KIAA1217: variants seen among roughly 807,000 people sequenced by gnomAD.
KIAA1217 encodes KIAA1217.
KIAA1217 carries 88 observed loss-of-function variants against 163.9 expected under a neutral mutation model. That is an observed-to-expected ratio of 0.54 (90% CI 0.45 to 0.64). The LOEUF (loss-of-function observed/expected upper bound fraction) is 0.64. KIAA1217 is among the 30% of genes least tolerant of loss of function. The pLI is 0.00. For synonymous variants in KIAA1217, 903 were observed against 923.1 expected, an observed-to-expected ratio of 0.98 and a Z score of 0.39; for missense variants, 2,372 against 2,475.0, an observed-to-expected ratio of 0.96 and a Z score of 0.88.
At chr10:24,426,861 C>A (rs1171039628) in intron 3 of KIAA1217, among the ~76,000 whole-genome samples, 1 of 152,048 alleles carries the variant, frequency 6.6e-6, no homozygotes, top group Non-Finnish European at 1.5e-5. Flanking sequence ...CAAAGTGGGA[C>A]GCTTCGGGAA....
At chr10:23,760,552 A>G (rs998708511) in intron 1 of KIAA1217, among the ~76,000 whole-genome samples, 1 of 152,220 alleles carries the variant, frequency 6.6e-6, no homozygotes, top group African/African-American at 2.4e-5. Context: ...TCAGTGTTCA[A>G]AGTGTTATTT....
At chr10:23,855,465 A>G (rs1466482615) in intron 1 of KIAA1217, among the ~76,000 whole-genome samples, 1 of 151,802 alleles carries the variant, frequency 6.6e-6, no homozygotes, top group Non-Finnish European at 1.5e-5. Context: ...CTTCATTTCA[A>G]CTTTGGTGAA....
chr10:24,009,282 A>C (rs1054286261), intron 2 of KIAA1217, among the ~76,000 whole-genome samples: 2 of 152,152 alleles, frequency 1.3e-5, no homozygotes, highest in African/African-American at 4.8e-5. Context: ...GTGGTTGGAG[A>C]AGAATAATAG....
chr10:24,385,955 G>T (rs1188383775), intron 3 of KIAA1217, among the ~76,000 whole-genome samples: 1 of 152,172 alleles, frequency 6.6e-6, no homozygotes, highest in Non-Finnish European at 1.5e-5. Context: ...ATGGGCGGGG[G>T]TTGGTGTCTG....
At chr10:24,130,494 C>T (rs1428715894) in intron 2 of KIAA1217, among the ~76,000 whole-genome samples, 3 of 152,140 alleles carry the variant, frequency 2.0e-5, no homozygotes, top group Non-Finnish European at 4.4e-5. Context: ...TGTATCAAAG[C>T]AGTTAATGAT....
chr10:23,997,564 G>C (rs1221515111), intron 1 of KIAA1217, among the ~76,000 whole-genome samples: 1 of 152,116 alleles, frequency 6.6e-6, no homozygotes, highest in Non-Finnish European at 1.5e-5. Context: ...AGACGCTCAG[G>C]CTGGAAGGTT....
rs187079211 is a variant in KIAA1217 at position 24,226,312 on chromosome 10, C to G, written c.354+6403C>G. On this transcript the variant is annotated intron_variant, in intron 2 of 20. Coordinates refer to ENST00000376454, the MANE Select transcript of KIAA1217 (RefSeq NM_019590.5). The stretch of plus-strand genomic sequence containing the variant: ...TCAAGCAATAGAGCCATAGACATGA[C>G]TTCCATTGCCGTTTCTTTAAAAAGG... Among the ~76,000 whole-genome samples, 678 of 152,218 alleles carry G rather than the reference C, an allele frequency of 4.5e-3. 6 individuals carry two copies. Among genetic ancestry groups the G allele is most frequent in the African/African-American group, 0.016 (645 of 41,546 alleles).
chr10:23,944,974 G>C (rs557278879), intron 1 of KIAA1217, among the ~76,000 whole-genome samples: 19 of 151,234 alleles, frequency 1.3e-4, no homozygotes, highest in African/African-American at 4.4e-4. Context: ...CAGGAGAATC[G>C]CTGGAACCTG....
intron 1 of KIAA1217, among the ~76,000 whole-genome samples, chr10:23,930,109 G>A (rs142530775): frequency 6.6e-6 from 1 of 151,558 alleles, no homozygotes; most frequent in Non-Finnish European, 1.5e-5. Flanking sequence ...ATCTCATTGT[G>A]GTTTTAATTT....
chr10:23,741,360 T>A (rs1478216534), intron 1 of KIAA1217, among the ~76,000 whole-genome samples: 1 of 152,204 alleles, frequency 6.6e-6, no homozygotes, highest in Non-Finnish European at 1.5e-5. Flanking sequence ...TCCTTGCCTC[T>A]CTTCCTCCCT....
intron 1 of KIAA1217, among the ~76,000 whole-genome samples, chr10:23,791,929 C>T (rs916327995): frequency 6.6e-6 from 1 of 152,138 alleles, no homozygotes; most frequent in African/African-American, 2.4e-5. Flanking sequence ...ATAATTTATA[C>T]TTCCAATTTT....
intron 1 of KIAA1217, among the ~76,000 whole-genome samples, chr10:23,726,873 A>G (rs191852758): frequency 1.4e-4 from 22 of 152,198 alleles, no homozygotes; most frequent in African/African-American, 4.8e-4. Context: ...CTTGGCATAT[A>G]TAGAAAAGTA....
rs112322439 is a variant in KIAA1217, at chr10:23,836,910, G to A, written c.-321+141676G>A. Among the ~76,000 whole-genome samples, 710 of 139,022 alleles carry A rather than the reference G, an allele frequency of 5.1e-3. 9 individuals carry two copies. The highest frequency in any genetic ancestry group is 0.017 in the African/African-American group (633 of 38,034). 91.2% of individuals were successfully genotyped at this position (139,022 alleles called of 152,430 possible). Reference sequence around the variant, plus strand: ...TGCACTCTAGCCTGGGTGACAGAGTGAGACCCTGTGGGAAGGAAGGAAGGG... The same window carrying A: ...TGCACTCTAGCCTGGGTGACAGAGTAAGACCCTGTGGGAAGGAAGGAAGGG... On this transcript the variant is annotated intron_variant, in intron 1 of 18. Transcript: ENST00000376462.
intron 2 of KIAA1217, among the ~76,000 whole-genome samples, chr10:24,228,389 C>T (rs907189205): frequency 1.3e-5 from 2 of 151,716 alleles, no homozygotes; most frequent in African/African-American, 4.8e-5. Flanking sequence ...GCAGTTTTTG[C>T]CATTACTTTT....
intron 1 of KIAA1217, among the ~76,000 whole-genome samples, chr10:23,861,307 C>A (rs1474968466): frequency 1.3e-5 from 2 of 152,120 alleles, no homozygotes; most frequent in East Asian, 3.9e-4. Flanking sequence ...GGTAAAATTT[C>A]AAGTGAATTT....
rs570263208 is a variant in KIAA1217 at position 24,158,325 on chromosome 10, T to C, written c.-170-61301T>C. 20 of 684,066 alleles carry C rather than the reference T, an allele frequency of 2.9e-5. No individual in the cohort carries two copies. In the African/African-American group the frequency reaches 3.3e-4, roughly 11 times the overall value. 42.4% of individuals were successfully genotyped at this position (684,066 alleles called of 1,614,324 possible). A position where few individuals can be genotyped will look rare whatever the true frequency, so the allele number is the denominator to read the frequency against. On this transcript the variant is annotated intron_variant, in intron 2 of 18. Coordinates refer to the KIAA1217 transcript ENST00000376462. ...TTTATACTCAAGGAGATTCTTTGAC[T>C]TCAGAAGGTCACCTTGATGACACTT...
At chr10:24,035,496 T>C (rs764524249) in intron 2 of KIAA1217, among the ~76,000 whole-genome samples, 2 of 152,168 alleles carry the variant, frequency 1.3e-5, no homozygotes, top group Non-Finnish European at 2.9e-5. Flanking sequence ...AAACACTCCA[T>C]ATCTGCAACA....
intron 9 of KIAA1217, among the ~76,000 whole-genome samples, chr10:24,510,900 T>C (rs960254542): frequency 3.9e-5 from 6 of 152,112 alleles, no homozygotes. Flanking sequence ...TTGTTGCCTG[T>C]TCTTATCAAT....
intron 5 of KIAA1217, 42 bp from the exon 6 acceptor site, chr10:24,473,186 G>C (rs751592825): frequency 7.9e-6 from 11 of 1,383,680 alleles, no homozygotes; most frequent in African/African-American, 1.4e-5. Flanking sequence ...CTTGAAACAC[G>C]AATATCAAAG....
Sources: gnomAD v4.1 joint callset for allele counts (sites outside exome capture counted in the v4.1 genomes callset) on GRCh38, gnomAD v4.1.1 for gene constraint, MANE v1.5 for transcripts, NCBI Gene and HGNC (gene_info 2026-07-23, HGNC 2026-07-21) for gene names.